TCERG1L: variants seen among roughly 807,000 people sequenced by gnomAD.
TCERG1L encodes transcription elongation regulator 1 like.
Under a neutral mutation model 56.3 loss-of-function variants are expected in TCERG1L, and 37 were observed. The ratio of observed to expected loss-of-function variants is 0.66; its 90% CI spans 0.51 to 0.87. The LOEUF is 0.87. Ranked by LOEUF, TCERG1L falls within the 40% of genes least tolerant of loss-of-function variation. The pLI is 0.00. For synonymous variants in TCERG1L, 324 were observed against 326.3 expected (o/e 0.99, Z 0.08); for missense variants, 799 against 774.2 (o/e 1.03, Z -0.38).
chr10:131,199,507 CA>C (rs1014976571), intron 4 of TCERG1L, among the ~76,000 whole-genome samples: 8 of 152,164 alleles, frequency 5.3e-5, no homozygotes, highest in Non-Finnish European at 7.3e-5. Flanking sequence ...CACATTATAA[CA>C]AGGGTACCCT....
intron 4 of TCERG1L, among the ~76,000 whole-genome samples, chr10:131,220,419 A>C (rs1014485197): frequency 2.0e-5 from 3 of 152,208 alleles, no homozygotes; most frequent in African/African-American, 7.2e-5. Context: ...AACCCTGGTC[A>C]GCGTTTGCTC....
chr10:131,193,749 C>T (rs190995829), intron 4 of TCERG1L, among the ~76,000 whole-genome samples: 269 of 152,298 alleles, frequency 1.8e-3, no homozygotes, highest in African/African-American at 6.2e-3. Context: ...ATATCCTTGT[C>T]ATGTAATTTG....
At chr10:131,127,697 T>A (rs1845577699) in intron 8 of TCERG1L, among the ~76,000 whole-genome samples, 1 of 151,982 alleles carries the variant, frequency 6.6e-6, no homozygotes, top group African/African-American at 2.4e-5. Flanking sequence ...TCACAGACTC[T>A]AGGAGGGAGT....
chr10:131,126,388 A>C (rs1055171193), intron 8 of TCERG1L, among the ~76,000 whole-genome samples: 1 of 152,168 alleles, frequency 6.6e-6, no homozygotes, highest in African/African-American at 2.4e-5. Flanking sequence ...GAAGAGCTGA[A>C]GTCTCTCCCA....
At chr10:131,110,850 C>T (rs938130897) in intron 9 of TCERG1L, among the ~76,000 whole-genome samples, 5 of 98,672 alleles carry the variant, frequency 5.1e-5, no homozygotes, top group East Asian at 1.0e-3. Context: ...ACATGTGGGA[C>T]GCCAAAGTCC....
chr10:131,109,672 G>C (rs1174703439), intron 9 of TCERG1L, among the ~76,000 whole-genome samples: 1 of 152,172 alleles, frequency 6.6e-6, no homozygotes, highest in Non-Finnish European at 1.5e-5. Context: ...TGAATCACGA[G>C]AGTGGGAACT....
At chr10:131,230,106 C>G (rs1406643959) in intron 4 of TCERG1L, among the ~76,000 whole-genome samples, 1 of 152,212 alleles carries the variant, frequency 6.6e-6, no homozygotes, top group African/African-American at 2.4e-5. Context: ...ACAATTTTCC[C>G]CTGCAGCCTC....
chr10:131,142,409 C>A (rs1445876069), intron 7 of TCERG1L, among the ~76,000 whole-genome samples: 1 of 152,230 alleles, frequency 6.6e-6, no homozygotes, highest in Non-Finnish European at 1.5e-5. Context: ...AGGAAAGTGA[C>A]CCATTCACCA....
At chr10:131,232,349 G>A (rs1031425233) in intron 4 of TCERG1L, among the ~76,000 whole-genome samples, 1 of 152,218 alleles carries the variant, frequency 6.6e-6, no homozygotes, top group Non-Finnish European at 1.5e-5. Context: ...TCTCAGCAGT[G>A]GCACACGCCG....
intron 4 of TCERG1L, among the ~76,000 whole-genome samples, chr10:131,193,756 T>A (rs1845328911): frequency 6.6e-6 from 1 of 152,276 alleles, no homozygotes; most frequent in Non-Finnish European, 1.5e-5. Context: ...TGTCATGTAA[T>A]TTGAAGTCAG....
chr10:131,279,583 C>A (rs1004133052), intron 3 of TCERG1L, among the ~76,000 whole-genome samples: 1 of 152,160 alleles, frequency 6.6e-6, no homozygotes, highest in Non-Finnish European at 1.5e-5. Flanking sequence ...CCATCCAAGG[C>A]GCCCAGATGA....
intron 7 of TCERG1L, among the ~76,000 whole-genome samples, chr10:131,146,048 C>G (rs1845790976): frequency 6.6e-6 from 1 of 152,182 alleles, no homozygotes; most frequent in Non-Finnish European, 1.5e-5. Flanking sequence ...TGTCCGTGAC[C>G]AGGGTTTTAT....
chr10:131,163,340 T>TACA, intron 5 of TCERG1L, 130 bp from the exon 6 acceptor site: 1 of 688,466 alleles, frequency 1.5e-6, no homozygotes, highest in South Asian at 2.2e-5. Context: ...GATAATGACC[T>TACA]CAGCACGGCA....
intron 7 of TCERG1L, among the ~76,000 whole-genome samples, chr10:131,146,285 G>A (rs375216075): frequency 1.3e-5 from 2 of 152,130 alleles, no homozygotes; most frequent in East Asian, 1.9e-4. Flanking sequence ...ATCACCTTAC[G>A]TGATGCAAAA....
chr10:131,146,037 C>T (rs894588612), intron 7 of TCERG1L, among the ~76,000 whole-genome samples: 22 of 152,216 alleles, frequency 1.4e-4, no homozygotes, highest in African/African-American at 4.6e-4. Flanking sequence ...ATCTCTTCCC[C>T]TGTCCGTGAC....
At chr10:131,124,204 C>T (rs1389124767) in intron 8 of TCERG1L, among the ~76,000 whole-genome samples, 2 of 152,176 alleles carry the variant, frequency 1.3e-5, no homozygotes, top group East Asian at 3.9e-4. Context: ...GTCTCCAAGG[C>T]TGTAATTACA....
At position 131,260,557 on chromosome 10, in the gene TCERG1L, C is replaced by A; in HGVS notation, c.671-113G>T. 1.6e-6 allele frequency: 2 copies of A among 1,228,868 alleles called. No individual in the cohort carries two copies. Among genetic ancestry groups the A allele is most frequent in the Non-Finnish European group, 2.1e-6 (2 of 964,716 alleles). The allele number at this position is 1,228,868 out of a possible 1,614,324, so 76.1% of individuals were successfully genotyped here. ...CCCCAGAAAACAGGTGAGGGGGGCG[C>A]TACCCCTCTTTAATGGAGGCCCACA... On this transcript the variant is annotated intron_variant, in intron 3 of 11. Coordinates refer to ENST00000368642, the MANE Select transcript of TCERG1L (RefSeq NM_174937.4). This position sits in a 1 kb window ranked among gnomAD's most constrained non-coding sequence, Gnocchi z 5.8.
At chr10:131,121,738 A>G (rs970962719) in intron 8 of TCERG1L, among the ~76,000 whole-genome samples, 3 of 152,156 alleles carry the variant, frequency 2.0e-5, no homozygotes, top group African/African-American at 7.2e-5. Flanking sequence ...TGCCTCCCGT[A>G]TAGTCTTGTC....
Position 131,094,799 on chromosome 10 carries a change from G to A in TCERG1L, c.1605-1481C>T, listed in dbSNP as rs1439777247. Among the ~76,000 whole-genome samples, 5 of 152,148 alleles carry A rather than the reference G, an allele frequency of 3.3e-5. No individual in the cohort carries two copies. In the East Asian group the frequency reaches 5.8e-4, roughly 18 times the overall value. ...CCTTGGCTAAGCCACACTCCACCCC[G>A]ACCTGCGGGGGATGAGTCAAACGGT... On this transcript the variant is annotated intron_variant, in intron 11 of 11. Transcript: ENST00000368642.
Sources: allele counts gnomAD v4.1 joint callset (sites outside exome capture counted in the v4.1 genomes callset), GRCh38; gene constraint gnomAD v4.1.1; non-coding constraint Gnocchi (gnomAD v3.1); transcripts MANE v1.5; gene names NCBI Gene and HGNC (gene_info 2026-07-23, HGNC 2026-07-21).